ADCY9: variants seen among roughly 807,000 people sequenced by gnomAD.
The protein encoded by ADCY9 is adenylate cyclase type 9.
A neutral mutation model predicts 101.5 loss-of-function variants in ADCY9; 50 were observed. The ratio of observed to expected loss-of-function variants is 0.49; its 90% CI spans 0.39 to 0.62. ADCY9 has a LOEUF of 0.62. Among genes scored for constraint, ADCY9 ranks in the 20% least tolerant of loss-of-function variants. ADCY9 has a pLI of 0.00. For missense variants in ADCY9, 1,662 were observed against 1,800.4 expected (o/e 0.92, Z 1.39); for synonymous variants, 905 against 769.3 (o/e 1.18, Z -2.92).
At position 3,963,086 on chromosome 16, in the gene ADCY9, T is replaced by C. The variant is rs933920781; in HGVS notation, c.*2689A>G. The C allele has an allele frequency of 3.0e-5, 5 of 164,128 alleles. 1 individual carries two copies. Among genetic ancestry groups the C allele is most frequent in the Admixed American group, 2.0e-4 (3 of 14,984 alleles). The allele number at this position is 164,128 out of a possible 1,614,324, so 10.2% of individuals were successfully genotyped here. A position where few individuals can be genotyped will look rare whatever the true frequency, so the allele number is the denominator to read the frequency against. On this transcript the variant is annotated 3_prime_UTR_variant, in exon 11 of 11. Transcript: ENST00000294016. ...TGTTTGCATTGGATAAAATTGTGTG[T>C]GCTTGTTTACCATATATATATATAT...
intron 2 of ADCY9, among the ~76,000 whole-genome samples, chr16:4,059,777 A>G (rs2056763334): frequency 6.6e-6 from 1 of 152,156 alleles, no homozygotes; most frequent in Non-Finnish European, 1.5e-5. Flanking sequence ...GCACACCTGT[A>G]GTCTCAGCCA....
At chr16:3,960,441 G>T (rs1440243213), downstream of ADCY9, among the ~76,000 whole-genome samples, 1 of 152,108 alleles carries the variant, frequency 6.6e-6, no homozygotes, top group African/African-American at 2.4e-5. Flanking sequence ...AGAATCACTT[G>T]AACCTGGGAG....
At chr16:4,106,711 C>T (rs954077300) in intron 2 of ADCY9, among the ~76,000 whole-genome samples, 7 of 151,980 alleles carry the variant, frequency 4.6e-5, no homozygotes, top group Non-Finnish European at 7.4e-5. Flanking sequence ...ACGAGACTTA[C>T]GGCCCACGCA....
intron 2 of ADCY9, among the ~76,000 whole-genome samples, chr16:4,051,689 AAT>A (rs2056702962): frequency 6.6e-6 from 1 of 152,186 alleles, no homozygotes; most frequent in African/African-American, 2.4e-5. Flanking sequence ...CAATGGGTAA[AAT>A]AGGAGTCTAT....
intron 7 of ADCY9, among the ~76,000 whole-genome samples, chr16:3,980,190 T>G (rs554507024): frequency 6.6e-6 from 1 of 152,356 alleles, no homozygotes; most frequent in East Asian, 1.9e-4. Context: ...TTTAAAAGAC[T>G]TTGTCCTTCT....
chr16:3,966,464 C>G lies in ADCY9; in HGVS notation c.3373G>C (p.Ala1125Pro), dbSNP rs544468394. The G allele has an allele frequency of 1.8e-5, 29 of 1,614,110 alleles. No individual in the cohort carries two copies. The African/African-American group carries it at 3.5e-4, about 19-fold the overall frequency. ...MAASGLNTAQ[A>P]QDGSHPQEHL... is the part of the protein sequence containing the mutation. ...TCCTGCGGGTGGCTGCCGTCCTGGG[C>G]CTGCGCGGTGTTCAGCCCTGACGCC... The change falls in exon 11 of 11, where the codon GCC (alanine) becomes CCC (proline). Residue 1125 changes from alanine (A) to proline (P), a missense_variant. Transcript: ENST00000294016.
intron 2 of ADCY9, among the ~76,000 whole-genome samples, chr16:4,049,014 C>G (rs146796431): frequency 6.6e-6 from 1 of 152,142 alleles, no homozygotes; most frequent in Admixed American, 6.5e-5. Context: ...ATCAGGAAAT[C>G]GTAATCCTGG....
chr16:4,095,935 C>T (rs1304271847), intron 2 of ADCY9, among the ~76,000 whole-genome samples: 4 of 146,450 alleles, frequency 2.7e-5, no homozygotes, highest in Non-Finnish European at 5.9e-5. Flanking sequence ...TGAGATCACG[C>T]CACTGCACTC....
intron 2 of ADCY9, among the ~76,000 whole-genome samples, chr16:4,093,745 C>T (rs555164724): frequency 1.0e-3 from 157 of 152,160 alleles, no homozygotes; most frequent in African/African-American, 3.6e-3. Context: ...GGCGACAGAG[C>T]CAGACGCTGT....
intron 2 of ADCY9, among the ~76,000 whole-genome samples, chr16:4,028,624 A>T (rs183767506): frequency 1.3e-5 from 2 of 152,278 alleles, no homozygotes; most frequent in Admixed American, 1.3e-4. Flanking sequence ...GATATGATGG[A>T]CCTCATGGGA....
intron 2 of ADCY9, among the ~76,000 whole-genome samples, chr16:4,055,615 C>T (rs914522977): frequency 3.3e-5 from 5 of 151,902 alleles, no homozygotes; most frequent in Admixed American, 1.3e-4. Flanking sequence ...GGGGGGATCA[C>T]GAGGTCAGGA....
At chr16:4,081,227 T>A (rs759122100) in intron 2 of ADCY9, among the ~76,000 whole-genome samples, 3 of 152,118 alleles carry the variant, frequency 2.0e-5, no homozygotes, top group Non-Finnish European at 2.9e-5. Flanking sequence ...CTGGAACTAA[T>A]CAGCAGGCGG....
chr16:3,983,271 G>A lies in ADCY9; in HGVS notation c.2480C>T (p.Ala827Val), dbSNP rs1291186470. Reference protein sequence around the residue: ...PPAALAVFSAALLLEVLSLAV... With the variant: ...PPAALAVFSAVLLLEVLSLAV... ...GAGGGACAGCACCTCCAGCAGCAGG[G>A]CTGCACTGAAGACCGCCAGGGCGGC... The change falls in exon 7 of 11, where the codon GCC becomes GTC. Residue 827 changes from alanine (A) to valine (V), a missense_variant. Coordinates refer to ENST00000294016, the MANE Select transcript of ADCY9 (RefSeq NM_001116.4). 6.4e-7 allele frequency: 1 copy of A among 1,554,154 alleles called. No homozygotes were observed. The highest frequency in any genetic ancestry group is 2.4e-5 in the East Asian group (1 of 41,006).
At chr16:4,095,392 C>A (rs201913056) in intron 2 of ADCY9, among the ~76,000 whole-genome samples, 17,510 of 152,078 alleles carry the variant, frequency 0.12, 1,481 homozygotes, top group East Asian at 0.42. Flanking sequence ...CCCTTGCACA[C>A]TCAATATAGG....
At chr16:4,100,605 AC>A (rs2057036461) in intron 2 of ADCY9, among the ~76,000 whole-genome samples, 1 of 152,132 alleles carries the variant, frequency 6.6e-6, no homozygotes, top group African/African-American at 2.4e-5. Context: ...TGCTGGGATT[AC>A]AGGCGTGAGC....
intron 3 of ADCY9, among the ~76,000 whole-genome samples, chr16:3,998,213 A>T (rs944567204): frequency 2.0e-5 from 3 of 152,016 alleles, no homozygotes; most frequent in Non-Finnish European, 4.4e-5. Context: ...CAACCTGGGC[A>T]ATGTATCAAG....
intron 5 of ADCY9, among the ~76,000 whole-genome samples, chr16:3,991,763 TAAAAAA>T (rs55746006): frequency 3.3e-5 from 3 of 91,422 alleles, no homozygotes; most frequent in Admixed American, 1.4e-4. Flanking sequence ...CTAGTCCTTA[TAAAAAA>T]AAAAAAAAAA....
At chr16:3,996,084 G>C (rs961428125) in intron 3 of ADCY9, among the ~76,000 whole-genome samples, 1 of 152,156 alleles carries the variant, frequency 6.6e-6, no homozygotes, top group Non-Finnish European at 1.5e-5. Context: ...ACATTTTGCT[G>C]GTGTGCTGGC....
intron 2 of ADCY9, among the ~76,000 whole-genome samples, chr16:4,032,479 T>G (rs1412328692): frequency 1.3e-5 from 2 of 151,736 alleles, no homozygotes; most frequent in African/African-American, 4.8e-5. Context: ...ATTGTACATT[T>G]ATTTTACGTG....
Sources: allele counts gnomAD v4.1 joint callset (sites outside exome capture counted in the v4.1 genomes callset), GRCh38; gene constraint gnomAD v4.1.1; transcripts MANE v1.5; gene names NCBI Gene and HGNC (gene_info 2026-07-23, HGNC 2026-07-21).